The following CIMAP2 variants were observed in gnomAD, a reference collection of about 807,000 sequenced individuals.
CIMAP2 encodes the protein ciliary microtubule-associated protein 2.
At chr1:54,808,126 C>T in the CIMAP2 span, 32 of 1,206,384 alleles carry the variant, frequency 2.7e-5, no homozygotes, top group African/African-American at 4.5e-4. Flanking sequence ...AAGGATTAAG[C>T]ACCTCCTAAG....
chr1:54,811,765 G>GCCGGGGGGGGGGCCCCCCCCCCCCC, the CIMAP2 span: 33 of 1,301,270 alleles, frequency 2.5e-5, no homozygotes, highest in African/African-American at 3.0e-5. Flanking sequence ...GGTTCTGACA[G>GCCGGGGGGGGGGCCCCCCCCCCCCC]CCTCCATGCC....
chr1:54,816,462 T>G, the CIMAP2 span, among the ~76,000 whole-genome samples: 1 of 152,172 alleles, frequency 6.6e-6, no homozygotes, highest in Non-Finnish European at 1.5e-5. Context: ...GGTGGGATGC[T>G]GTATTCCCTT....
the CIMAP2 span, among the ~76,000 whole-genome samples, chr1:54,810,776 G>A: frequency 6.6e-6 from 1 of 152,184 alleles, no homozygotes; most frequent in Non-Finnish European, 1.5e-5. Flanking sequence ...GGTCCCAGAT[G>A]GTCATTCCAA....
At chr1:54,811,773 G>GGCCCCACCCCCCCC in the CIMAP2 span, 3 of 1,325,052 alleles carry the variant, frequency 2.3e-6, no homozygotes, top group South Asian at 1.3e-5. Context: ...CAGCCTCCAT[G>GGCCCCACCCCCCCC]CCCCCACCCC....
chr1:54,820,241 C>T, the CIMAP2 span, among the ~76,000 whole-genome samples: 1 of 151,526 alleles, frequency 6.6e-6, no homozygotes, highest in Non-Finnish European at 1.5e-5. Flanking sequence ...GAACATGGCT[C>T]ACTGCAGCCT....
the CIMAP2 span, among the ~76,000 whole-genome samples, chr1:54,837,141 G>A: frequency 6.6e-6 from 1 of 151,964 alleles, no homozygotes; most frequent in Non-Finnish European, 1.5e-5. Context: ...GGGGACTGTG[G>A]TTCTGTTGTT....
the CIMAP2 span, chr1:54,841,722 G>A: frequency 6.3e-7 from 1 of 1,585,824 alleles, no homozygotes; most frequent in Non-Finnish European, 8.7e-7. Flanking sequence ...CATTCCCTAT[G>A]GGTGTCCCTC....
chr1:54,812,238 A>G, the CIMAP2 span: 1 of 1,609,296 alleles, frequency 6.2e-7, no homozygotes, highest in Non-Finnish European at 8.5e-7. Flanking sequence ...CAGCAGGATG[A>G]CAGGCCTCAC....
At chr1:54,823,772 T>A in the CIMAP2 span, among the ~76,000 whole-genome samples, 1 of 152,216 alleles carries the variant, frequency 6.6e-6, no homozygotes, top group Non-Finnish European at 1.5e-5. Context: ...GTTTTCATGA[T>A]TGTAGATGTC....
chr1:54,808,112 G>A, the CIMAP2 span: 1 of 1,346,006 alleles, frequency 7.4e-7, no homozygotes, highest in East Asian at 2.6e-5. Context: ...AGCCAGCCAG[G>A]AATAAGGATT....
At chr1:54,826,998 A>T in the CIMAP2 span, among the ~76,000 whole-genome samples, 1 of 152,272 alleles carries the variant, frequency 6.6e-6, no homozygotes, top group South Asian at 2.1e-4. Flanking sequence ...GGGTTGCAGG[A>T]GGAAGCAGAG....
At chr1:54,811,766 C>CGGGGGGGGGGGGGGGGGCGGG in the CIMAP2 span, 1 of 1,305,188 alleles carries the variant, frequency 7.7e-7, no homozygotes. Context: ...GTTCTGACAG[C>CGGGGGGGGGGGGGGGGGCGGG]CTCCATGCCC....
chr1:54,822,012 C>T, the CIMAP2 span, among the ~76,000 whole-genome samples: 7 of 135,924 alleles, frequency 5.1e-5, no homozygotes, highest in African/African-American at 1.9e-4. Flanking sequence ...CATTCTCCCG[C>T]CTCAGCCTCC....
chr1:54,812,117 C>T, the CIMAP2 span: 1 of 1,614,218 alleles, frequency 6.2e-7, no homozygotes, highest in Non-Finnish European at 8.5e-7. Context: ...GATCCGTCGG[C>T]ACCCGCGGCC....
chr1:54,832,003 C>T, the CIMAP2 span, among the ~76,000 whole-genome samples: 4 of 152,328 alleles, frequency 2.6e-5, no homozygotes, highest in South Asian at 2.1e-4. Flanking sequence ...TGTGCCACCA[C>T]GCCCAACTAA....
chr1:54,811,765 G>GCCGGGGGGGGGC, the CIMAP2 span: 8 of 1,301,316 alleles, frequency 6.1e-6, no homozygotes, highest in South Asian at 1.2e-5. Context: ...GGTTCTGACA[G>GCCGGGGGGGGGC]CCTCCATGCC....
At chr1:54,813,860 A>G in the CIMAP2 span, 1 of 1,613,574 alleles carries the variant, frequency 6.2e-7, no homozygotes, top group Non-Finnish European at 8.5e-7. Flanking sequence ...TTTGTAGAAG[A>G]ACTTAACTCA....
the CIMAP2 span, chr1:54,815,148 C>G: frequency 6.8e-7 from 1 of 1,464,212 alleles, no homozygotes; most frequent in Non-Finnish European, 9.3e-7. Flanking sequence ...AGCCATATGC[C>G]TCCCCTTTCT....
the CIMAP2 span, chr1:54,841,801 G>A: frequency 6.3e-6 from 10 of 1,580,684 alleles, no homozygotes; most frequent in Middle Eastern, 1.7e-4. Context: ...CTTTTTAAAG[G>A]GAAAGGATCA....
Sources: allele counts gnomAD v4.1 joint callset (sites outside exome capture counted in the v4.1 genomes callset), GRCh38; gene constraint gnomAD v4.1.1; transcripts MANE v1.5; gene names NCBI Gene and HGNC (gene_info 2026-07-23, HGNC 2026-07-21).